Variants in CDH23 observed in about 807,000 individuals in gnomAD.
CDH23 encodes cadherin related 23.
In CDH23, 189 loss-of-function variants were observed where a neutral mutation model predicts 317.1. The observed-to-expected ratio is 0.60, with a 90% CI of 0.53 to 0.67. The LOEUF (loss-of-function observed/expected upper bound fraction) is 0.67. CDH23 is among the 30% of genes least tolerant of loss of function. CDH23 has a pLI of 0.00. For missense variants in CDH23, 4,401 were observed against 4,592.4 expected, an observed-to-expected ratio of 0.96 and a Z score of 1.20; for synonymous variants, 1,839 against 1,876.8, an observed-to-expected ratio of 0.98 and a Z score of 0.52.
chr10:71,447,282 C>CT (rs908849969), intron 3 of CDH23, among the ~76,000 whole-genome samples: 1 of 152,142 alleles, frequency 6.6e-6, no homozygotes, highest in Non-Finnish European at 1.5e-5. Flanking sequence ...TATCAAGATG[C>CT]TTACCTAATA....
chr10:71,812,196 G>C, intron 66 of CDH23, 181 bp downstream of exon 66: 3 of 1,583,642 alleles, frequency 1.9e-6, no homozygotes, highest in East Asian at 2.3e-5. Flanking sequence ...GCTGACAGGG[G>C]CTCTCCACCC....
Position 71,403,378 on chromosome 10 carries a change from T to C in CDH23, c.-6+6060T>C, listed in dbSNP as rs1287519740. ...TTCTTTCTTTCTTTCTTTCTTTCTTTCTTTCTTTCTTTCTTTCTTTCTTTC... is the reference window on the plus strand; with the variant it reads ...TTCTTTCTTTCTTTCTTTCTTTCTTCCTTTCTTTCTTTCTTTCTTTCTTTC... On this transcript the variant is annotated intron_variant, in intron 1 of 69. Coordinates refer to ENST00000224721, the MANE Select transcript of CDH23 (RefSeq NM_022124.6). 7.6e-3 allele frequency among the ~76,000 whole-genome samples: 881 copies of C among 115,624 alleles called. 52 individuals carry two copies. The highest frequency in any genetic ancestry group is 0.023 in the African/African-American group (525 of 22,424). The allele number at this position is 115,624 out of a possible 152,430, so 75.9% of individuals were successfully genotyped here.
intron 44 of CDH23, among the ~76,000 whole-genome samples, chr10:71,788,070 T>C (rs10823845): frequency 0.2 from 30,639 of 152,144 alleles, 3,211 homozygotes; most frequent in African/African-American, 0.25. Flanking sequence ...TTTCTTGAGA[T>C]GGTGTCTTGC....
intron 14 of CDH23, among the ~76,000 whole-genome samples, chr10:71,670,630 G>T (rs1864105569): frequency 6.6e-6 from 1 of 152,150 alleles, no homozygotes; most frequent in African/African-American, 2.4e-5. Flanking sequence ...AACAGTCTGG[G>T]GTGTACCAGG....
intron 27 of CDH23, among the ~76,000 whole-genome samples, chr10:71,709,748 G>T (rs1865906824): frequency 6.6e-6 from 1 of 152,170 alleles, no homozygotes; most frequent in East Asian, 1.9e-4. Context: ...GGCTGGCGCT[G>T]CCTCCTGTGT....
intron 2 of CDH23, among the ~76,000 whole-genome samples, chr10:71,441,253 C>A (rs1849863416): frequency 6.6e-6 from 1 of 152,128 alleles, no homozygotes; most frequent in South Asian, 2.1e-4. Context: ...CCCCGCTCCC[C>A]CCCTGCCTCA....
intron 3 of CDH23, among the ~76,000 whole-genome samples, chr10:71,489,599 G>GTA (rs1210799687): frequency 7.2e-6 from 1 of 138,072 alleles, no homozygotes; most frequent in Non-Finnish European, 1.5e-5. Flanking sequence ...CTCGGGGTGT[G>GTA]TGTGTGTGTG....
chr10:71,403,454 TTTCCTTCCTTCC>T (rs1158827093), intron 1 of CDH23, among the ~76,000 whole-genome samples: 4,285 of 35,150 alleles, frequency 0.12, 494 homozygotes, highest in South Asian at 0.14. Flanking sequence ...CCTTCCTTCC[TTTCCTTCCTTCC>T]TTCCTTCCTT....
chr10:71,523,833 C>T (rs1047575637), intron 6 of CDH23, among the ~76,000 whole-genome samples: 9 of 152,336 alleles, frequency 5.9e-5, no homozygotes, highest in Admixed American at 3.9e-4. Context: ...GCCCGGAAGG[C>T]TGGCGGGGTC....
intron 14 of CDH23, among the ~76,000 whole-genome samples, chr10:71,655,882 C>A (rs1863395734): frequency 6.6e-6 from 1 of 152,126 alleles, no homozygotes; most frequent in African/African-American, 2.4e-5. Flanking sequence ...AAGCCTGAAG[C>A]CTCATAACCC....
rs780523589 is a variant in CDH23, at chr10:71,793,361, G to C, written c.6433G>C (p.Val2145Leu). 1 of 1,613,856 alleles carries C rather than the reference G, an allele frequency of 6.2e-7. No individual in the cohort carries two copies. Among genetic ancestry groups the C allele is most frequent in the Non-Finnish European group, 8.5e-7 (1 of 1,179,888 alleles). The change falls in exon 48 of 70, where the codon GTG becomes CTG. Residue 2145 changes from valine (V) to leucine (L), a missense_variant. This residue lies in a region of CDH23 where 3,068 missense variants were observed against 3,203.3 expected (regional missense o/e 0.96). Coordinates refer to ENST00000224721, the MANE Select transcript of CDH23 (RefSeq NM_022124.6). ...GCAGGAGTCCTACAGGCTAACGGTGGTGGCCACCGACCGGGGCACCGTTCC... is the reference window on the plus strand; with the variant it reads ...GCAGGAGTCCTACAGGCTAACGGTGCTGGCCACCGACCGGGGCACCGTTCC... ...EEQESYRLTVVATDRGTVPLS... is the reference protein window; with the variant it reads ...EEQESYRLTVLATDRGTVPLS...
intron 14 of CDH23, among the ~76,000 whole-genome samples, chr10:71,663,600 A>G (rs1252438846): frequency 1.3e-5 from 2 of 152,224 alleles, no homozygotes; most frequent in African/African-American, 2.4e-5. Context: ...GACTTCAGGC[A>G]TGTTGCTTAA....
At chr10:71,785,519 A>G in intron 43 of CDH23, 112 bp from the exon 44 acceptor site, 1 of 727,430 alleles carries the variant, frequency 1.4e-6, no homozygotes. Flanking sequence ...TTGGCCTTCT[A>G]GATCATCTCT....
intron 31 of CDH23, among the ~76,000 whole-genome samples, chr10:71,730,992 A>G (rs1296647133): frequency 6.6e-6 from 1 of 152,238 alleles, no homozygotes; most frequent in Non-Finnish European, 1.5e-5. Context: ...CACGCCTTCC[A>G]GGACCAGCTC....
chr10:71,439,706 T>A, intron 1 of CDH23, 121 bp from the exon 2 acceptor site: 1 of 689,254 alleles, frequency 1.5e-6, no homozygotes, highest in East Asian at 2.7e-5. Context: ...CTGGGTTGAT[T>A]CCTTCTCCTC....
intron 1 of CDH23, among the ~76,000 whole-genome samples, chr10:71,432,404 T>TGA: frequency 1.3e-5 from 1 of 75,592 alleles, no homozygotes; most frequent in Middle Eastern, 6.8e-3. Context: ...GGTGTGTGTT[T>TGA]GTGTGTGTGT....
chr10:71,590,883 AAAAC>A (rs1471554905), intron 9 of CDH23, among the ~76,000 whole-genome samples: 2 of 110,308 alleles, frequency 1.8e-5, no homozygotes, highest in Non-Finnish European at 3.4e-5. Context: ...TAAAAAAAAA[AAAAC>A]AAAAAAAAAC....
Position 71,694,273 on chromosome 10 carries a change from C to G in CDH23, c.2289+14C>G, listed in dbSNP as rs919911135. The G allele has an allele frequency of 6.3e-7, 1 of 1,594,112 alleles. No individual in the cohort carries two copies. The highest frequency in any genetic ancestry group is 8.6e-7 in the Non-Finnish European group (1 of 1,164,964). ...GGCATCGCCACCGTGAGTGCGCTCC[C>G]CTCCCGTGCCCCAGCTCCCCCTCGC... On this transcript the variant is annotated intron_variant, in intron 21 of 69. Coordinates refer to ENST00000224721, the MANE Select transcript of CDH23 (RefSeq NM_022124.6).
chr10:71,406,380 A>G (rs1848098462), intron 1 of CDH23, among the ~76,000 whole-genome samples: 1 of 152,168 alleles, frequency 6.6e-6, no homozygotes, highest in Admixed American at 6.6e-5. Flanking sequence ...GACCTGGGGC[A>G]ATCTCTGGGG....
Sources: allele counts gnomAD v4.1 joint callset (sites outside exome capture counted in the v4.1 genomes callset), GRCh38; gene constraint gnomAD v4.1.1; regional missense constraint gnomAD v4.1.1; transcripts MANE v1.5; gene names NCBI Gene and HGNC (gene_info 2026-07-23, HGNC 2026-07-21).